The following CCSER1 variants were observed in gnomAD, a reference collection of about 807,000 sequenced individuals.
The protein encoded by CCSER1 is coiled-coil serine rich protein 1, also known as serine-rich coiled-coil domain-containing protein 1.
CCSER1 carries 41 observed loss-of-function variants against 82.0 expected under a neutral mutation model. The observed-to-expected ratio is 0.50, with a 90% CI of 0.39 to 0.65. CCSER1 has a LOEUF of 0.65. Among genes scored for constraint, CCSER1 ranks in the 30% least tolerant of loss-of-function variants. The pLI, the probability that CCSER1 is intolerant of heterozygous loss-of-function variation, is 0.00. For missense variants in CCSER1, 1,119 were observed against 1,064.2 expected (o/e 1.05, Z -0.72); for synonymous variants, 414 against 383.9 (o/e 1.08, Z -0.92).
At chr4:91,102,016 TCAGA>T (rs1725115134) in intron 10 of CCSER1, among the ~76,000 whole-genome samples, 1 of 143,844 alleles carries the variant, frequency 7.0e-6, no homozygotes, top group Admixed American at 7.0e-5. Flanking sequence ...ACTTTTGCAG[TCAGA>T]CAGACCCCTG....
chr4:91,534,616 GAT>G (rs1334519907), intron 10 of CCSER1, among the ~76,000 whole-genome samples: 1 of 151,862 alleles, frequency 6.6e-6, no homozygotes, highest in East Asian at 1.9e-4. Flanking sequence ...TACTGTTGCT[GAT>G]ATTATTGCTA....
At chr4:90,778,399 T>C (rs1339698997) in intron 7 of CCSER1, among the ~76,000 whole-genome samples, 1 of 152,030 alleles carries the variant, frequency 6.6e-6, no homozygotes, top group Admixed American at 6.6e-5. Context: ...TGTGCATGAG[T>C]GCATGGATAG....
chr4:90,758,269 A>C (rs1338628610), intron 7 of CCSER1, among the ~76,000 whole-genome samples: 1 of 152,254 alleles, frequency 6.6e-6, no homozygotes, highest in South Asian at 2.1e-4. Flanking sequence ...CCTATTAAGA[A>C]GAAAATAACT....
chr4:90,143,281 T>G (rs1272080440), intron 1 of CCSER1, among the ~76,000 whole-genome samples: 1 of 152,164 alleles, frequency 6.6e-6, no homozygotes, highest in African/African-American at 2.4e-5. Flanking sequence ...ATCTCTCAAG[T>G]CAAGCATCAT....
chr4:90,876,524 T>A (rs1410942854), intron 8 of CCSER1, among the ~76,000 whole-genome samples: 1 of 152,086 alleles, frequency 6.6e-6, no homozygotes, highest in South Asian at 2.1e-4. Context: ...AGACATAAAA[T>A]TTCAAAAACA....
At chr4:91,353,696 A>G (rs1195282794) in intron 10 of CCSER1, among the ~76,000 whole-genome samples, 2 of 152,188 alleles carry the variant, frequency 1.3e-5, no homozygotes, top group African/African-American at 4.8e-5. Context: ...AGTGATTTAT[A>G]TAGTATGCTT....
intron 4 of CCSER1, among the ~76,000 whole-genome samples, chr4:90,412,502 A>C (rs1325952947): frequency 6.8e-6 from 1 of 147,004 alleles, no homozygotes; most frequent in Non-Finnish European, 1.5e-5. Flanking sequence ...TTAAAAAAAG[A>C]TGCTGAATCA....
At chr4:90,417,784 A>G (rs949570346) in intron 4 of CCSER1, among the ~76,000 whole-genome samples, 10 of 152,142 alleles carry the variant, frequency 6.6e-5, no homozygotes, top group Non-Finnish European at 1.0e-4. Flanking sequence ...AATTTTTGTT[A>G]TTAATTTTTA....
chr4:91,288,228 G>A (rs769660759), intron 10 of CCSER1, among the ~76,000 whole-genome samples: 1 of 150,832 alleles, frequency 6.6e-6, no homozygotes, highest in East Asian at 2.0e-4. Flanking sequence ...TTTAGCGTAG[G>A]ATGTAGAAAG....
At chr4:90,684,364 C>G (rs1408082384) in intron 6 of CCSER1, among the ~76,000 whole-genome samples, 1 of 152,032 alleles carries the variant, frequency 6.6e-6, no homozygotes, top group Non-Finnish European at 1.5e-5. Context: ...AATGGCATAA[C>G]TAGTATAGTG....
At chr4:91,302,812 CTTT>C (rs5860228) in intron 10 of CCSER1, among the ~76,000 whole-genome samples, 24 of 148,172 alleles carry the variant, frequency 1.6e-4, no homozygotes, top group African/African-American at 3.5e-4. Context: ...TCCCCTAGAT[CTTT>C]TTTTTTTTTG....
At chr4:91,106,193 T>C (rs957544455) in intron 10 of CCSER1, among the ~76,000 whole-genome samples, 1 of 152,238 alleles carries the variant, frequency 6.6e-6, no homozygotes, top group Non-Finnish European at 1.5e-5. Flanking sequence ...GGTGTTGTTG[T>C]AAGCACTTTA....
At chr4:90,536,343 A>G (rs1560679729) in intron 5 of CCSER1, among the ~76,000 whole-genome samples, 1 of 151,978 alleles carries the variant, frequency 6.6e-6, no homozygotes, top group African/African-American at 2.4e-5. Context: ...CTAATATTCC[A>G]TTTTTATGAA....
chr4:91,238,859 G>GCTCT (rs1384275026), intron 10 of CCSER1, among the ~76,000 whole-genome samples: 2 of 150,220 alleles, frequency 1.3e-5, no homozygotes, highest in Non-Finnish European at 3.0e-5. Context: ...AGTCTCGCAT[G>GCTCT]GTCACCCAGG....
At chr4:91,334,319 A>G (rs1488982390) in intron 10 of CCSER1, among the ~76,000 whole-genome samples, 1 of 152,032 alleles carries the variant, frequency 6.6e-6, no homozygotes, top group African/African-American at 2.4e-5. Context: ...TCAACCTCGT[A>G]TGCTTCTTGA....
At chr4:91,475,025 A>G (rs1422572986) in intron 10 of CCSER1, among the ~76,000 whole-genome samples, 1 of 151,484 alleles carries the variant, frequency 6.6e-6, no homozygotes. Flanking sequence ...TTTTTGGTGG[A>G]AGTTGATGTT....
At chr4:90,322,994 G>A (rs552511551) in intron 3 of CCSER1, among the ~76,000 whole-genome samples, 1 of 152,320 alleles carries the variant, frequency 6.6e-6, no homozygotes, top group East Asian at 1.9e-4. Flanking sequence ...TGCCAGGTCT[G>A]GATCCTTCCT....
At chr4:91,135,857 T>G (rs955241810) in intron 10 of CCSER1, among the ~76,000 whole-genome samples, 4 of 152,208 alleles carry the variant, frequency 2.6e-5, no homozygotes, top group Admixed American at 1.3e-4. Context: ...TAAAAATATC[T>G]TCTAACTAAT....
chr4:90,983,149 A>G (rs1047554245), intron 9 of CCSER1, among the ~76,000 whole-genome samples: 1 of 151,798 alleles, frequency 6.6e-6, no homozygotes, highest in Non-Finnish European at 1.5e-5. Flanking sequence ...TTTGGAGTAT[A>G]TTAAAATAAA....
Sources: allele counts gnomAD v4.1 joint callset (sites outside exome capture counted in the v4.1 genomes callset), GRCh38; gene constraint gnomAD v4.1.1; transcripts MANE v1.5; gene names NCBI Gene and HGNC (gene_info 2026-07-23, HGNC 2026-07-21).